CIITA: variants seen among roughly 807,000 people sequenced by gnomAD.
CIITA encodes the protein MHC class II transactivator.
Under a neutral mutation model 115.1 loss-of-function variants are expected in CIITA, and 72 were observed. The ratio of observed to expected loss-of-function variants is 0.63; its 90% CI spans 0.52 to 0.76. The LOEUF (loss-of-function observed/expected upper bound fraction) is 0.76. Ranked by LOEUF, CIITA falls within the 30% of genes least tolerant of loss-of-function variation. The pLI, the probability that CIITA is intolerant of heterozygous loss-of-function variation, is 0.00. For missense variants in CIITA, 1,617 were observed against 1,463.8 expected, an observed-to-expected ratio of 1.10 and a Z score of -1.71; for synonymous variants, 763 against 635.6, an observed-to-expected ratio of 1.20 and a Z score of -3.02.
intron 12 of CIITA, among the ~76,000 whole-genome samples, chr16:10,909,819 G>A (rs769604231): frequency 4.6e-5 from 7 of 152,058 alleles, no homozygotes; most frequent in Non-Finnish European, 1.0e-4. Context: ...CTGTAGCTTC[G>A]GAACTCCTGA....
intron 13 of CIITA, chr16:10,915,132 C>T (rs774336397): frequency 9.9e-5 from 43 of 434,368 alleles, no homozygotes; most frequent in Non-Finnish European, 1.8e-4. Context: ...CTCACTGCAT[C>T]CTCCACCTCC....
At chr16:10,912,609 A>G (rs1276487427) in intron 13 of CIITA, among the ~76,000 whole-genome samples, 1 of 152,224 alleles carries the variant, frequency 6.6e-6, no homozygotes, top group Non-Finnish European at 1.5e-5. Flanking sequence ...TGCCCCAGAA[A>G]AAAGCCAGTG....
At position 10,922,654 on chromosome 16, in the gene CIITA, G is replaced by A. The variant is rs115970349; in HGVS notation, c.3317+164G>A. ...TCAGCTTCTTCATCTGTAAAGTGGG[G>A]ACAGTAATAATATCCACCCAAGAGG... On this transcript the variant is annotated intron_variant, in intron 18 of 19. Transcript: ENST00000324288. 7.1e-3 allele frequency among the ~76,000 whole-genome samples: 1,075 copies of A among 152,284 alleles called. 18 individuals are homozygous for A. Among genetic ancestry groups the A allele is most frequent in the African/African-American group, 0.024 (1,012 of 41,542 alleles).
At chr16:10,916,310 A>G in intron 14 of CIITA, 57 bp from the exon 15 acceptor site, 1 of 1,546,870 alleles carries the variant, frequency 6.5e-7, no homozygotes, top group Non-Finnish European at 8.9e-7. Flanking sequence ...CTGGGATGGG[A>G]AGGGTCAGAT....
chr16:10,936,419 A>G (rs2041023261), downstream of CIITA: 1 of 152,182 alleles, frequency 6.6e-6, no homozygotes, highest in Admixed American at 6.5e-5. Context: ...CCATTTTCAA[A>G]TGCTTATGAA....
At chr16:10,908,421 T>A (rs1345363209) in intron 11 of CIITA, 1 of 576,930 alleles carries the variant, frequency 1.7e-6, no homozygotes, top group Non-Finnish European at 3.1e-6. Flanking sequence ...AATCTGAGAC[T>A]GACCTGGGCT....
intron 15 of CIITA, chr16:10,917,098 T>A (rs2039992911): frequency 4.7e-6 from 1 of 213,002 alleles, no homozygotes; most frequent in African/African-American, 2.3e-5. Context: ...AGCATTATTA[T>A]CAAAACAGTA....
chr16:10,932,589 C>T lies in CIITA; in HGVS notation c.*8734C>T, dbSNP rs2040843554. 1 of 151,374 alleles carries T rather than the reference C, an allele frequency of 6.6e-6. No individual in the cohort carries two copies. Among genetic ancestry groups the T allele is most frequent in the Non-Finnish European group, 1.5e-5 (1 of 67,982 alleles). 9.4% of individuals were successfully genotyped at this position (151,374 alleles called of 1,614,324 possible). A position where few individuals can be genotyped will look rare whatever the true frequency, so the allele number is the denominator to read the frequency against. ...GCTTCCCTGGGCCACAGTGGAAGAA[C>T]TGTCTGGGGCCACATATAAAATATA... On this transcript the variant is annotated 3_prime_UTR_variant, in exon 20 of 20. Transcript: ENST00000324288.
In CIITA at chr16:10,902,119, C is replaced by T; in HGVS notation, c.563C>T (p.Pro188Leu). 6.2e-7 allele frequency: 1 copy of T among 1,614,220 alleles called. No homozygotes were observed. ...DCSTLPCLPL[P>L]ALFNQEPASG... ...TCCACCCTGCCCTGCCTGCCACTGC[C>T]TGCGCTGTTCAACCAGGAGCCAGCC... is the stretch of plus-strand genomic sequence containing the variant. The change falls in exon 7 of 20, where the codon CCT becomes CTT. Residue 188 changes from proline (P) to leucine (L), a missense_variant. Physicochemically the swap from Pro to Leu is moderately conservative, Grantham distance 98. Transcript: ENST00000324288.
At chr16:10,937,789 C>A (rs1202820732), downstream of CIITA, 1 of 152,250 alleles carries the variant, frequency 6.6e-6, no homozygotes, top group Non-Finnish European at 1.5e-5. The surrounding 1 kb of genome is among the most constrained non-coding windows in gnomAD (Gnocchi z 4.2). Context: ...TCCCGATTCC[C>A]CATTCCCTGC....
chr16:10,878,533 G>T (rs2036066398), intron 1 of CIITA, among the ~76,000 whole-genome samples: 3 of 152,218 alleles, frequency 2.0e-5, no homozygotes, highest in Admixed American at 2.0e-4. Flanking sequence ...TTCCTCCCTA[G>T]GGCCAGCATC....
intron 1 of CIITA, chr16:10,866,714 A>T (rs1264065876): frequency 2.7e-6 from 1 of 376,438 alleles, no homozygotes; most frequent in Non-Finnish European, 5.3e-6. Flanking sequence ...AGGAGCAGTG[A>T]AAACTTGGAG....
chr16:10,887,084 G>C (rs1357861463), intron 1 of CIITA, among the ~76,000 whole-genome samples: 1 of 152,100 alleles, frequency 6.6e-6, no homozygotes, highest in South Asian at 2.1e-4. Flanking sequence ...AGGACTACAG[G>C]GTGCATGAGC....
intron 17 of CIITA, 50 bp from the exon 18 acceptor site, chr16:10,922,357 G>A (rs1372199445): frequency 1.9e-6 from 3 of 1,611,834 alleles, no homozygotes; most frequent in Non-Finnish European, 2.5e-6. Flanking sequence ...CCTTGGTCTG[G>A]AGCTGGGGAG....
intron 1 of CIITA, among the ~76,000 whole-genome samples, chr16:10,892,323 CAA>C (rs1033904354): frequency 7.5e-6 from 1 of 132,490 alleles, no homozygotes; most frequent in African/African-American, 2.8e-5. Flanking sequence ...GACTCTGTCT[CAA>C]AAAAAAAAAG....
chr16:10,895,205 G>T lies in CIITA; in HGVS notation c.53-77G>T, dbSNP rs899318022. 4.5e-6 allele frequency: 7 copies of T among 1,555,294 alleles called. No individual in the cohort carries two copies. The African/African-American group carries it at 5.4e-5, about 12-fold the overall frequency. ...CTCTCATCCCCAGCCCTCACCAGCTGGGAGTTGTTGTAGGTGTCAATTTTC... is the reference window on the plus strand; with the variant it reads ...CTCTCATCCCCAGCCCTCACCAGCTTGGAGTTGTTGTAGGTGTCAATTTTC... On this transcript the variant is annotated intron_variant, in intron 1 of 19. Coordinates refer to ENST00000324288, the MANE Select transcript of CIITA (RefSeq NM_000246.4).
In CIITA at chr16:10,904,700, G is replaced by A. The variant is rs200975989; in HGVS notation, c.938-44G>A. ...GCCCAGAGGGAGGGGGGTCCCCAGG[G>A]GTAACCCTCACCCTAAATCTGGCAC... On this transcript the variant is annotated intron_variant, in intron 9 of 19. Transcript: ENST00000324288. The A allele has an allele frequency of 3.0e-3, 4,901 of 1,612,260 alleles. 17 individuals carry two copies. The highest frequency in any genetic ancestry group is 2.9e-3 in the Non-Finnish European group (3,376 of 1,178,408).
chr16:10,884,272 C>T (rs1171546923), intron 1 of CIITA, among the ~76,000 whole-genome samples: 4 of 152,144 alleles, frequency 2.6e-5, no homozygotes. Context: ...TGGTTCAAAC[C>T]CAAAGGGCAG....
At position 10,929,487 on chromosome 16, in the gene CIITA, C is replaced by T. The variant is rs2145291023; in HGVS notation, c.*5632C>T. ...CCTTCCCAACCTCAGCACTCAGTCCCAATCTCTCTTCCACTCTCCTGGGTT... is the reference window on the plus strand; with the variant it reads ...CCTTCCCAACCTCAGCACTCAGTCCTAATCTCTCTTCCACTCTCCTGGGTT... On this transcript the variant is annotated 3_prime_UTR_variant, in exon 20 of 20. Transcript: ENST00000324288. This position sits in a 1 kb window ranked among gnomAD's most constrained non-coding sequence, Gnocchi z 4.3. The T allele has an allele frequency of 1.0e-6, 1 of 985,742 alleles. No individual in the cohort carries two copies. The highest frequency in any genetic ancestry group is 4.7e-5 in the South Asian group (1 of 21,288). 61.1% of individuals were successfully genotyped at this position (985,742 alleles called of 1,614,324 possible). A position where few individuals can be genotyped will look rare whatever the true frequency, so the allele number is the denominator to read the frequency against.
Sources: allele counts gnomAD v4.1 joint callset (sites outside exome capture counted in the v4.1 genomes callset), GRCh38; gene constraint gnomAD v4.1.1; non-coding constraint Gnocchi (gnomAD v3.1); transcripts MANE v1.5; gene names NCBI Gene and HGNC (gene_info 2026-07-23, HGNC 2026-07-21).